Variants in TMEM163 observed in about 807,000 individuals in gnomAD.
TMEM163 encodes the protein transmembrane protein 163.
A neutral mutation model predicts 29.3 loss-of-function variants in TMEM163; 17 were observed. The observed-to-expected ratio is 0.58, with a 90% CI of 0.40 to 0.87. TMEM163 has a LOEUF of 0.87. TMEM163 is among the 40% of genes least tolerant of loss of function. The pLI, the probability that TMEM163 is intolerant of heterozygous loss-of-function variation, is 0.00. For missense variants in TMEM163, 303 were observed against 381.5 expected, an observed-to-expected ratio of 0.79 and a Z score of 1.71; for synonymous variants, 157 against 160.6, an observed-to-expected ratio of 0.98 and a Z score of 0.17.
intron 4 of TMEM163, among the ~76,000 whole-genome samples, chr2:134,547,014 T>C (rs1020277023): frequency 1.3e-5 from 2 of 152,024 alleles, no homozygotes; most frequent in Non-Finnish European, 2.9e-5. Context: ...GAAAGTACAA[T>C]GGTGATTGCT....
At chr2:134,487,060 A>C (rs1020154128) in intron 5 of TMEM163, among the ~76,000 whole-genome samples, 2 of 152,226 alleles carry the variant, frequency 1.3e-5, no homozygotes, top group Non-Finnish European at 2.9e-5. Context: ...GAAATTGAGA[A>C]GCCCTTCTGT....
Position 134,460,478 on chromosome 2 carries a change from C to A in TMEM163, c.668-2305G>T, listed in dbSNP as rs1686510026. On this transcript the variant is annotated intron_variant, in intron 6 of 7. Coordinates refer to ENST00000281924, the MANE Select transcript of TMEM163 (RefSeq NM_030923.5). This position sits in a 1 kb window ranked among gnomAD's most constrained non-coding sequence, Gnocchi z 4.3. ...AAGCTTAAGGACAGGAACTTTGTCT[C>A]TCCTTGCAGTATTCGAAGTCCCAGG... Among the ~76,000 whole-genome samples, 2 of 152,222 alleles carry A rather than the reference C, an allele frequency of 1.3e-5. No homozygotes were observed. Among genetic ancestry groups the A allele is most frequent in the African/African-American group, 4.8e-5 (2 of 41,456 alleles).
At chr2:134,504,473 G>A (rs677746) in intron 4 of TMEM163, among the ~76,000 whole-genome samples, 29,776 of 151,210 alleles carry the variant, frequency 0.2, 3,291 homozygotes, top group South Asian at 0.37. Context: ...AAACATTGAG[G>A]ATCTTACCTG....
At chr2:134,635,017 T>C (rs557913020) in intron 2 of TMEM163, among the ~76,000 whole-genome samples, 3 of 152,234 alleles carry the variant, frequency 2.0e-5, no homozygotes, top group African/African-American at 7.2e-5. Context: ...GTGTGCCAAC[T>C]GGGTTCACAT....
intron 5 of TMEM163, chr2:134,469,036 T>TC (rs1372632460): frequency 6.6e-6 from 1 of 152,132 alleles, no homozygotes; most frequent in East Asian, 1.9e-4. Flanking sequence ...ACAAACGTCC[T>TC]CCACCTGCCA....
At chr2:134,705,674 C>T (rs919029463) in intron 2 of TMEM163, among the ~76,000 whole-genome samples, 3 of 152,184 alleles carry the variant, frequency 2.0e-5, no homozygotes, top group African/African-American at 4.8e-5. Context: ...TGAGAAGTCA[C>T]GTCTTGTCCA....
chr2:134,624,915 A>C (rs1682815191), intron 2 of TMEM163, among the ~76,000 whole-genome samples: 1 of 152,206 alleles, frequency 6.6e-6, no homozygotes, highest in Admixed American at 6.5e-5. Flanking sequence ...GTCTCAAAAA[A>C]TAAAAATAAA....
chr2:134,707,397 C>T (rs1471399659), intron 2 of TMEM163, among the ~76,000 whole-genome samples: 3 of 152,184 alleles, frequency 2.0e-5, no homozygotes, highest in African/African-American at 4.8e-5. Flanking sequence ...AGGCTGCCAG[C>T]GGAAGAGAGA....
chr2:134,509,474 C>T (rs1679901165), intron 4 of TMEM163, among the ~76,000 whole-genome samples: 1 of 152,242 alleles, frequency 6.6e-6, no homozygotes, highest in Non-Finnish European at 1.5e-5. Flanking sequence ...TCCTTCCCTC[C>T]AGGGAGCCCA....
intron 4 of TMEM163, among the ~76,000 whole-genome samples, chr2:134,545,253 G>A (rs1013306986): frequency 6.6e-6 from 1 of 152,088 alleles, no homozygotes; most frequent in African/African-American, 2.4e-5. Context: ...AGGCTCCTCT[G>A]TCACCCACTG....
chr2:134,548,311 C>G (rs1043825520), intron 4 of TMEM163, among the ~76,000 whole-genome samples: 1 of 152,030 alleles, frequency 6.6e-6, no homozygotes, highest in African/African-American at 2.4e-5. Context: ...TTAATAAATA[C>G]TTTTTCTCAT....
rs1309412582 is a variant in TMEM163 at position 134,506,294 on chromosome 2, A to C, written c.459-3297T>G. ...CCACACTGCTGGGAGCCTGTATGTC[A>C]GAGTGTCTCCAACAGCCCAAAGCAG... is the stretch of plus-strand genomic sequence containing the variant. On this transcript the variant is annotated intron_variant, in intron 4 of 7. Transcript: ENST00000281924. 2.0e-5 allele frequency among the ~76,000 whole-genome samples: 3 copies of C among 152,204 alleles called. No individual in the cohort carries two copies. The East Asian group carries it at 5.8e-4, about 29-fold the overall frequency.
chr2:134,482,709 G>A (rs1679219294), intron 5 of TMEM163, among the ~76,000 whole-genome samples: 1 of 152,210 alleles, frequency 6.6e-6, no homozygotes. Context: ...CCAAGCCTGA[G>A]CCCTCCATTT....
intron 4 of TMEM163, among the ~76,000 whole-genome samples, chr2:134,531,254 ACT>A (rs1417616468): frequency 6.6e-6 from 1 of 152,230 alleles, no homozygotes; most frequent in African/African-American, 2.4e-5. Flanking sequence ...AGAAAACCAA[ACT>A]CAAGATATTT....
intron 2 of TMEM163, among the ~76,000 whole-genome samples, chr2:134,610,699 C>T (rs573702282): frequency 6.6e-6 from 1 of 152,286 alleles, no homozygotes; most frequent in Non-Finnish European, 1.5e-5. Flanking sequence ...AAATGATACC[C>T]ATGCCTGGGT....
chr2:134,523,252 C>A (rs149245767), intron 4 of TMEM163, among the ~76,000 whole-genome samples: 1 of 152,040 alleles, frequency 6.6e-6, no homozygotes, highest in African/African-American at 2.4e-5. Context: ...AGGTGGGGGT[C>A]GGAGCGTCTG....
At chr2:134,613,699 C>G (rs1006175514) in intron 2 of TMEM163, among the ~76,000 whole-genome samples, 3 of 151,954 alleles carry the variant, frequency 2.0e-5, no homozygotes, top group African/African-American at 7.3e-5. Context: ...CAACTAACAA[C>G]AAGCAAATGG....
intron 2 of TMEM163, among the ~76,000 whole-genome samples, chr2:134,614,266 A>C (rs1409721160): frequency 6.6e-6 from 1 of 152,168 alleles, no homozygotes; most frequent in African/African-American, 2.4e-5. Flanking sequence ...ATCAGATATC[A>C]AAGGGCAAAA....
At chr2:134,660,926 C>G (rs1294392297) in intron 2 of TMEM163, among the ~76,000 whole-genome samples, 1 of 152,186 alleles carries the variant, frequency 6.6e-6, no homozygotes, top group African/African-American at 2.4e-5. Context: ...CCCCATGGTT[C>G]ATGTGTTGAA....
Sources: gnomAD v4.1 joint callset for allele counts (sites outside exome capture counted in the v4.1 genomes callset) on GRCh38, gnomAD v4.1.1 for gene constraint, Gnocchi (gnomAD v3.1) non-coding constraint, MANE v1.5 for transcripts, NCBI Gene and HGNC (gene_info 2026-07-23, HGNC 2026-07-21) for gene names.